Variants in FBLN2 observed in about 807,000 individuals in gnomAD.
FBLN2 encodes the protein fibulin 2, also known as fibulin-2.
Under a neutral mutation model 123.7 loss-of-function variants are expected in FBLN2, and 81 were observed. The ratio of observed to expected loss-of-function variants is 0.65; its 90% CI spans 0.55 to 0.79. FBLN2 has a LOEUF of 0.79. FBLN2 is among the 30% of genes least tolerant of loss of function. The probability of loss-of-function intolerance (pLI) is 0.00; values close to 1 mark genes in which losing one functional copy is unlikely to be tolerated. For missense variants in FBLN2, 1,603 were observed against 1,681.3 expected (o/e 0.95, Z 0.81); for synonymous variants, 699 against 701.4 (o/e 1.00, Z 0.05).
chr3:13,567,560 G>A (rs543368403), intron 1 of FBLN2, among the ~76,000 whole-genome samples: 10 of 152,284 alleles, frequency 6.6e-5, no homozygotes, highest in Admixed American at 3.3e-4. Flanking sequence ...GTTTCACCAC[G>A]TTGGCCAGGC....
intron 1 of FBLN2, among the ~76,000 whole-genome samples, chr3:13,566,890 C>A (rs1703763073): frequency 6.6e-6 from 1 of 152,220 alleles, no homozygotes; most frequent in African/African-American, 2.4e-5. Flanking sequence ...TGCTGGTGGG[C>A]CCCCGACTAT....
chr3:13,622,111 A>T (rs1400346383), intron 9 of FBLN2, among the ~76,000 whole-genome samples, 196 bp downstream of exon 9: 1 of 152,132 alleles, frequency 6.6e-6, no homozygotes, highest in Admixed American at 6.5e-5. Flanking sequence ...CTCCACCCGG[A>T]GGCTGCTTTC....
chr3:13,626,417 G>T, intron 9 of FBLN2, 28 bp from the exon 10 acceptor site: 2 of 1,549,032 alleles, frequency 1.3e-6, no homozygotes, highest in Admixed American at 1.8e-5. Flanking sequence ...GGACTCTGCA[G>T]CCTCTGATGG....
In FBLN2 at chr3:13,630,788, C is replaced by T. The variant is rs757773736; in HGVS notation, c.3058C>T (p.Leu1020=). Residue 1020 remains leucine (L), a synonymous_variant, in exon 15 of 18, where the codon CTG becomes TTG. Coordinates refer to ENST00000404922, the MANE Select transcript of FBLN2 (RefSeq NM_001004019.2). ...GTGCTACTGCCGCCAGGGCTACCAG[C>T]TGGCTGAGGATGGGCACACCTGCAC... ...YQCYCRQGYQ[L]AEDGHTCTDI... is the part of the protein sequence containing the mutation. 3 of 1,607,282 alleles carry T rather than the reference C, an allele frequency of 1.9e-6. No homozygotes were observed. The highest frequency in any genetic ancestry group is 1.3e-5 in the African/African-American group (1 of 74,838).
chr3:13,636,309 G>T, intron 16 of FBLN2, 136 bp from the exon 17 acceptor site: 1 of 1,024,734 alleles, frequency 9.8e-7, no homozygotes, highest in Non-Finnish European at 1.4e-6. Flanking sequence ...GATGGGGCAT[G>T]TGTGTGCAGG....
intron 3 of FBLN2, among the ~76,000 whole-genome samples, chr3:13,609,243 G>GT (rs1379160347): frequency 1.3e-5 from 2 of 152,240 alleles, no homozygotes; most frequent in African/African-American, 4.8e-5. Context: ...CCCGACCGTT[G>GT]TGGGGGTGGG....
At chr3:13,562,556 C>T (rs1274519072) in intron 1 of FBLN2, among the ~76,000 whole-genome samples, 1 of 152,068 alleles carries the variant, frequency 6.6e-6, no homozygotes, top group Non-Finnish European at 1.5e-5. Flanking sequence ...GGCGTTTCAC[C>T]ATGTTGGCCA....
rs552767893 is a variant in FBLN2 at position 13,614,131 on chromosome 3, C to T, written c.1696C>T (p.Arg566Ter). Residue 566 changes from arginine (R) to a stop codon, truncating the protein, a stop_gained, in exon 5 of 18, where the codon CGA (arginine) becomes TGA (stop). Transcript: ENST00000404922. LOFTEE classifies it high-confidence loss of function. The stretch of plus-strand genomic sequence containing the variant: ...GCCTCTCATAGTACCTGAGGTTCGC[C>T]GACCTCCAGAGCCCGCAGCTGCACC... ...EEPLIVPEVR[R>*]PPEPAAAPRR... The T allele has an allele frequency of 6.8e-6, 11 of 1,612,846 alleles. No homozygotes were observed. Among genetic ancestry groups the T allele is most frequent in the African/African-American group, 1.3e-5 (1 of 74,930 alleles).
At chr3:13,605,158 C>T (rs1025867182) in intron 2 of FBLN2, among the ~76,000 whole-genome samples, 23 of 152,220 alleles carry the variant, frequency 1.5e-4, no homozygotes, top group African/African-American at 5.5e-4. Context: ...TCTAGGCATT[C>T]TGTATAAACT....
intron 4 of FBLN2, among the ~76,000 whole-genome samples, chr3:13,612,740 TTTTTGGGTGG>T (rs1705448695): frequency 6.6e-6 from 1 of 152,202 alleles, no homozygotes; most frequent in African/African-American, 2.4e-5. Flanking sequence ...AATCCATGTC[TTTTTGGGTGG>T]TTGTGGGGAT....
In FBLN2 at chr3:13,549,167, C is replaced by CCGGG. The variant is rs1486741471; in HGVS notation, c.-79_-76dup. 10 of 982,972 alleles carry CCGGG rather than the reference C, an allele frequency of 1.0e-5. No homozygotes were observed. Among genetic ancestry groups the CCGGG allele is most frequent in the Non-Finnish European group, 1.1e-5 (9 of 829,044 alleles). The allele number at this position is 982,972 out of a possible 1,614,324, so 60.9% of individuals were successfully genotyped here. On this transcript the variant is annotated 5_prime_UTR_variant, in exon 1 of 18. Coordinates refer to ENST00000404922, the MANE Select transcript of FBLN2 (RefSeq NM_001004019.2). ...GCCCGGGCTCTCGACGCGCCGACGG[C>CCGGG]CGGGCGGACGGACGGACGGACGCCG...
Position 13,621,815 on chromosome 3 carries a change from G to C in FBLN2, c.2196G>C (p.Arg732=), listed in dbSNP as rs1207537642. ...ECLMGAHDCS[R]RQFCVNTLGS... ...TGATGGGTGCTCACGATTGTAGCCG[G>C]CGACAGTTCTGTGTGAACACCCTGG... Residue 732 remains arginine, a synonymous_variant, in exon 9 of 18, where the codon CGG becomes CGC. Coordinates refer to ENST00000404922, the MANE Select transcript of FBLN2 (RefSeq NM_001004019.2). 3 of 1,614,000 alleles carry C rather than the reference G, an allele frequency of 1.9e-6. No homozygotes were observed. The highest frequency in any genetic ancestry group is 8.5e-7 in the Non-Finnish European group (1 of 1,179,884).
intron 2 of FBLN2, among the ~76,000 whole-genome samples, chr3:13,601,937 G>A (rs922305645): frequency 2.6e-4 from 40 of 152,190 alleles, no homozygotes; most frequent in Non-Finnish European, 5.4e-4. Flanking sequence ...AGCTGGAAAT[G>A]CAGGCATGTA....
intron 4 of FBLN2, 32 bp from the exon 5 acceptor site, chr3:13,613,952 G>T: frequency 1.2e-6 from 2 of 1,600,264 alleles, no homozygotes; most frequent in East Asian, 2.2e-5. Context: ...TGGGGCCAGA[G>T]ATTGGGCAGT....
Position 13,638,316 on chromosome 3 carries a change from G to T in FBLN2, c.*397G>T. 2.4e-6 allele frequency: 1 copy of T among 421,702 alleles called. No individual in the cohort carries two copies. Among genetic ancestry groups the T allele is most frequent in the African/African-American group, 2.1e-5 (1 of 47,250 alleles). 26.1% of individuals were successfully genotyped at this position (421,702 alleles called of 1,614,324 possible). On this transcript the variant is annotated 3_prime_UTR_variant, in exon 18 of 18. Coordinates refer to ENST00000404922, the MANE Select transcript of FBLN2 (RefSeq NM_001004019.2). Reference sequence around the variant, plus strand: ...TTCTTTTTTAAAAAATCATTTTAAAGTTTTTTGTTTAACTATAAAGTAGTA... The same window carrying T: ...TTCTTTTTTAAAAAATCATTTTAAATTTTTTTGTTTAACTATAAAGTAGTA...
At position 13,631,333 on chromosome 3, in the gene FBLN2, C is replaced by T. The variant is rs371133206; in HGVS notation, c.3090C>T (p.Ile1030=). 2.9e-4 allele frequency: 465 copies of T among 1,601,978 alleles called. 3 individuals are homozygous for T. In the South Asian group the frequency reaches 3.7e-3, roughly 13 times the overall value. The change falls in exon 16 of 18, where the codon ATC becomes ATT. Residue 1030 remains isoleucine (I), a synonymous_variant. Coordinates refer to ENST00000404922, the MANE Select transcript of FBLN2 (RefSeq NM_001004019.2). ...GGCTGAACCTCTCTCTGACAGACAT[C>T]GACGAGTGTGCTCAAGGCGCCGGCA... ...LAEDGHTCTD[I]DECAQGAGIL... is the part of the protein sequence containing the mutation.
At chr3:13,569,250 T>C (rs1574948608) in intron 1 of FBLN2, among the ~76,000 whole-genome samples, 1 of 149,470 alleles carries the variant, frequency 6.7e-6, no homozygotes, top group African/African-American at 2.4e-5. Context: ...TGTGGGAGGG[T>C]CGGGTTGGGA....
chr3:13,621,790 T>C lies in FBLN2; in HGVS notation c.2171T>C (p.Leu724Pro). 6.2e-7 allele frequency: 1 copy of C among 1,614,008 alleles called. No individual in the cohort carries two copies. The change falls in exon 9 of 18, where the codon CTG (leucine) becomes CCG (proline). Residue 724 changes from leucine to proline, a missense_variant. Transcript: ENST00000404922. ...CTGCCACTAGACCAAGACGAGTGCC[T>C]GATGGGTGCTCACGATTGTAGCCGG... The part of the protein sequence containing the change: ...GVSCEDQDEC[L>P]MGAHDCSRRQ...
chr3:13,585,075 G>A (rs990106109), intron 2 of FBLN2, among the ~76,000 whole-genome samples: 3 of 152,202 alleles, frequency 2.0e-5, no homozygotes, highest in African/African-American at 7.2e-5. Flanking sequence ...ATCTGTCACC[G>A]TGTGGCCCCT....
Sources: gnomAD v4.1 joint callset for allele counts (sites outside exome capture counted in the v4.1 genomes callset) on GRCh38, gnomAD v4.1.1 for gene constraint, MANE v1.5 for transcripts, NCBI Gene and HGNC (gene_info 2026-07-23, HGNC 2026-07-21) for gene names.